Variants in ADAM22 observed in about 807,000 individuals in gnomAD.
The protein encoded by ADAM22 is disintegrin and metalloproteinase domain-containing protein 22.
ADAM22 carries 65 observed loss-of-function variants against 144.6 expected under a neutral mutation model. The observed-to-expected ratio is 0.45, with a 90% CI of 0.37 to 0.55. The LOEUF (loss-of-function observed/expected upper bound fraction) is 0.55. Ranked by LOEUF, ADAM22 falls within the 20% of genes least tolerant of loss-of-function variation. The pLI, the probability that ADAM22 is intolerant of heterozygous loss-of-function variation, is 0.00. For synonymous variants in ADAM22, 391 were observed against 412.6 expected (o/e 0.95, Z 0.63); for missense variants, 974 against 1,184.9 (o/e 0.82, Z 2.61).
At chr7:88,181,654 A>T in intron 28 of ADAM22, 49 bp downstream of exon 28, 1 of 1,491,874 alleles carries the variant, frequency 6.7e-7, no homozygotes, top group African/African-American at 1.4e-5. Flanking sequence ...CAAGTTCTAT[A>T]TTCTGTGGCC....
rs538379300 is a variant in ADAM22 at position 87,954,954 on chromosome 7, C to T, written c.246+19768C>T. On this transcript the variant is annotated intron_variant, in intron 2 of 31. Transcript: ENST00000413139. ...GCTCCTGAGGCTTCTGCATTCTTCA[C>T]GTAGTTCTCGAGCCTTGGCTTTCAG... 3.9e-3 allele frequency among the ~76,000 whole-genome samples: 591 copies of T among 152,060 alleles called. 3 individuals carry two copies. The highest frequency in any genetic ancestry group is 0.013 in the African/African-American group (543 of 41,500).
In ADAM22 at chr7:88,148,879, T is replaced by G. The variant is rs1837409141; in HGVS notation, c.1486-98T>G. Reference sequence around the variant, plus strand: ...TACCATCTTACAGTAGTTTAAGGTATTTCTAGCCAAACAATTTTCATTTTG... The same window carrying G: ...TACCATCTTACAGTAGTTTAAGGTAGTTCTAGCCAAACAATTTTCATTTTG... On this transcript the variant is annotated intron_variant, in intron 17 of 31. Transcript: ENST00000413139. The G allele has an allele frequency of 8.5e-6, 8 of 937,708 alleles. 2 individuals are homozygous for G. In the South Asian group the frequency reaches 1.3e-4, roughly 15 times the overall value. The allele number at this position is 937,708 out of a possible 1,614,324, so 58.1% of individuals were successfully genotyped here.
Position 88,163,115 on chromosome 7 carries a change from G to A in ADAM22, c.2011G>A (p.Val671Met). 6.2e-7 allele frequency: 1 copy of A among 1,612,336 alleles called. No individual in the cohort carries two copies. Among genetic ancestry groups the A allele is most frequent in the African/African-American group, 1.3e-5 (1 of 74,888 alleles). ...GTGCTTAGAACACAGGTGTCTTCCTGTGGCTTCTTTCAACTTTAGTACTTG... is the reference window on the plus strand; with the variant it reads ...GTGCTTAGAACACAGGTGTCTTCCTATGGCTTCTTTCAACTTTAGTACTTG... The part of the protein sequence containing the change: ...MMCLEHRCLP[V>M]ASFNFSTCLS... Residue 671 changes from valine (V) to methionine (M), a missense_variant, in exon 23 of 32, where the codon GTG becomes ATG. Coordinates refer to ENST00000413139, the MANE Select transcript of ADAM22 (RefSeq NM_001324418.2).
chr7:87,997,402 A>G (rs1584912982), intron 3 of ADAM22, among the ~76,000 whole-genome samples: 1 of 152,230 alleles, frequency 6.6e-6, no homozygotes, highest in South Asian at 2.1e-4. Flanking sequence ...TTATTATCTC[A>G]TAGTTTCCAT....
At position 88,191,376 on chromosome 7, in the gene ADAM22, A is replaced by G. The variant is rs149340206; in HGVS notation, c.2751-1740A>G. Among the ~76,000 whole-genome samples, 163 of 152,352 alleles carry G rather than the reference A, an allele frequency of 1.1e-3. 2 individuals are homozygous for G. The highest frequency in any genetic ancestry group is 9.1e-3 in the South Asian group (44 of 4,828). ...ACACATGCTGCAGCAGATTAAAAAG[A>G]TGCCTTGTTTTGCATGATCCCCTAA... On this transcript the variant is annotated intron_variant, in intron 30 of 31. Coordinates refer to ENST00000413139, the MANE Select transcript of ADAM22 (RefSeq NM_001324418.2).
intron 2 of ADAM22, among the ~76,000 whole-genome samples, chr7:87,950,443 C>A (rs1844771798): frequency 6.7e-6 from 1 of 148,750 alleles, no homozygotes; most frequent in Non-Finnish European, 1.5e-5. Flanking sequence ...CCAATTTCAT[C>A]CATGTCCCTA....
At chr7:88,136,463 G>T (rs569146917) in intron 14 of ADAM22, among the ~76,000 whole-genome samples, 14 of 152,110 alleles carry the variant, frequency 9.2e-5, no homozygotes, top group Non-Finnish European at 1.5e-4. Flanking sequence ...CATTACTGAT[G>T]GCTTCATAAT....
intron 3 of ADAM22, among the ~76,000 whole-genome samples, chr7:88,014,318 C>G (rs184448032): frequency 5.3e-5 from 8 of 152,312 alleles, no homozygotes; most frequent in Admixed American, 3.3e-4. Context: ...GGGCCCGATG[C>G]TGCTTCTATT....
intron 19 of ADAM22, 71 bp from the exon 20 acceptor site, chr7:88,151,186 T>A (rs1311941697): frequency 6.3e-7 from 1 of 1,589,778 alleles, no homozygotes. Context: ...TTCCCAATCA[T>A]AGTTTCTTTT....
At chr7:87,997,643 G>A (rs997870809) in intron 3 of ADAM22, among the ~76,000 whole-genome samples, 2 of 152,232 alleles carry the variant, frequency 1.3e-5, no homozygotes, top group African/African-American at 4.8e-5. Context: ...TTCCCTGGGT[G>A]GTGATCCCCT....
intron 26 of ADAM22, among the ~76,000 whole-genome samples, chr7:88,175,591 C>G (rs1440638912): frequency 6.6e-6 from 1 of 152,128 alleles, no homozygotes; most frequent in Non-Finnish European, 1.5e-5. Flanking sequence ...AAAAATCATA[C>G]ATGTCTAAAA....
At chr7:88,062,919 A>G (rs1424970557) in intron 3 of ADAM22, among the ~76,000 whole-genome samples, 3 of 152,198 alleles carry the variant, frequency 2.0e-5, no homozygotes, top group Admixed American at 6.5e-5. Context: ...AAATTTATTA[A>G]GCTCGCTCTC....
intron 3 of ADAM22, among the ~76,000 whole-genome samples, chr7:87,989,443 C>T (rs1789249594): frequency 6.6e-6 from 1 of 152,074 alleles, no homozygotes; most frequent in Non-Finnish European, 1.5e-5. Flanking sequence ...GGCTGGAATG[C>T]AGTGGCTATT....
intron 3 of ADAM22, among the ~76,000 whole-genome samples, chr7:88,047,293 G>A (rs1019567208): frequency 1.8e-4 from 27 of 152,080 alleles, no homozygotes; most frequent in African/African-American, 6.0e-4. Flanking sequence ...CTTTGCTGTT[G>A]TTATTCTTTT....
chr7:87,984,869 C>G (rs1854570320), intron 3 of ADAM22, among the ~76,000 whole-genome samples: 1 of 152,038 alleles, frequency 6.6e-6, no homozygotes, highest in African/African-American at 2.4e-5. Flanking sequence ...TTAGTGGAAA[C>G]AGGGTTTCAC....
intron 3 of ADAM22, among the ~76,000 whole-genome samples, chr7:88,022,759 T>C (rs1798116578): frequency 6.6e-6 from 1 of 152,250 alleles, no homozygotes; most frequent in South Asian, 2.1e-4. Context: ...ATAGTTTTTA[T>C]TCCGGCTTTA....
At chr7:88,086,193 A>G (rs1563186698) in intron 4 of ADAM22, among the ~76,000 whole-genome samples, 1 of 152,140 alleles carries the variant, frequency 6.6e-6, no homozygotes, top group Non-Finnish European at 1.5e-5. Context: ...AAATAAAATA[A>G]TAATGTTTTA....
In ADAM22 at chr7:87,971,957, A is replaced by G. The variant is rs12666125; in HGVS notation, c.247-6379A>G. 6.1e-3 allele frequency among the ~76,000 whole-genome samples: 929 copies of G among 152,292 alleles called. 13 individuals are homozygous for G. The highest frequency in any genetic ancestry group is 0.046 in the East Asian group (238 of 5,178). ...TGTAATCCCAGCACTTTGGGAGGCC[A>G]AGGCGGGTGGATCACGAGGTCAGGA... On this transcript the variant is annotated intron_variant, in intron 2 of 31. Coordinates refer to ENST00000413139, the MANE Select transcript of ADAM22 (RefSeq NM_001324418.2).
At chr7:88,019,604 T>G (rs2129464593) in intron 3 of ADAM22, among the ~76,000 whole-genome samples, 1 of 152,302 alleles carries the variant, frequency 6.6e-6, no homozygotes, top group South Asian at 2.1e-4. Flanking sequence ...TCCCAGCACT[T>G]TGGGAGGCCA....
Sources: allele counts gnomAD v4.1 joint callset (sites outside exome capture counted in the v4.1 genomes callset), GRCh38; gene constraint gnomAD v4.1.1; transcripts MANE v1.5; gene names NCBI Gene and HGNC (gene_info 2026-07-23, HGNC 2026-07-21).